Variants in ADGRL2 observed in about 807,000 individuals in gnomAD.
ADGRL2 encodes the protein calcium-independent alpha-latrotoxin receptor 2.
Under a neutral mutation model 157.4 loss-of-function variants are expected in ADGRL2, and 44 were observed. The ratio of observed to expected loss-of-function variants is 0.28; its 90% CI spans 0.22 to 0.36. The LOEUF (loss-of-function observed/expected upper bound fraction) is 0.36, where lower values mean the gene tolerates loss of function less well. Ranked by LOEUF, ADGRL2 falls within the 10% of genes least tolerant of loss-of-function variation. The pLI is 1.00. For missense variants in ADGRL2, 1,510 were observed against 1,768.9 expected (o/e 0.85, Z 2.63); for synonymous variants, 585 against 624.7 (o/e 0.94, Z 0.95).
chr1:81,607,850 G>A (rs371096932), intron 3 of ADGRL2, among the ~76,000 whole-genome samples: 7 of 152,100 alleles, frequency 4.6e-5, no homozygotes, highest in Non-Finnish European at 8.8e-5. Context: ...TACTTCTGAT[G>A]TTTTATTTGC....
intron 1 of ADGRL2, among the ~76,000 whole-genome samples, chr1:81,759,815 G>A (rs909219935): frequency 3.3e-5 from 5 of 151,982 alleles, no homozygotes; most frequent in African/African-American, 9.7e-5. Context: ...TCTCTGACCT[G>A]TATTCAAGAA....
At chr1:81,886,619 T>C (rs1312702187) in intron 2 of ADGRL2, among the ~76,000 whole-genome samples, 1 of 152,204 alleles carries the variant, frequency 6.6e-6, no homozygotes, top group Non-Finnish European at 1.5e-5. Flanking sequence ...CAAGTATTCC[T>C]GAAATGCTTT....
intron 3 of ADGRL2, among the ~76,000 whole-genome samples, chr1:81,680,068 T>C (rs1226982032): frequency 6.6e-6 from 1 of 152,170 alleles, no homozygotes; most frequent in Non-Finnish European, 1.5e-5. Flanking sequence ...GGGAAAATAG[T>C]GTAAAGTTAC....
chr1:81,581,849 A>C (rs959949512), intron 3 of ADGRL2, among the ~76,000 whole-genome samples: 1 of 142,864 alleles, frequency 7.0e-6, no homozygotes, highest in African/African-American at 2.6e-5. Flanking sequence ...ACGGTATTTA[A>C]CCTCCCACCA....
At chr1:81,832,656 G>T (rs780226146) in intron 1 of ADGRL2, among the ~76,000 whole-genome samples, 1 of 152,210 alleles carries the variant, frequency 6.6e-6, no homozygotes, top group Non-Finnish European at 1.5e-5. Context: ...GAAAGAAAAT[G>T]AAGAAAGAGG....
In ADGRL2 at chr1:81,757,934, A is replaced by G. The variant is rs1423631665; in HGVS notation, c.-142-3877A>G. On this transcript the variant is annotated intron_variant, in intron 1 of 20. Transcript: ENST00000359929. ...GATTCAGGAGTGGAGTCACACAAGG[A>G]AACTTCAAAACCAAACTAAGTAAAA... Among the ~76,000 whole-genome samples, 5 of 152,166 alleles carry G rather than the reference A, an allele frequency of 3.3e-5. No individual in the cohort carries two copies. The East Asian group carries it at 9.6e-4, about 29-fold the overall frequency.
chr1:81,349,637 CA>C (rs1557617476), intron 1 of ADGRL2, among the ~76,000 whole-genome samples: 1 of 28,950 alleles, frequency 3.5e-5, no homozygotes, highest in East Asian at 4.9e-4. Context: ...GAGCTACACA[CA>C]CACACACACA....
chr1:81,464,933 G>GA (rs199573052), intron 2 of ADGRL2, among the ~76,000 whole-genome samples: 20,686 of 138,678 alleles, frequency 0.15, 2,617 homozygotes, highest in East Asian at 0.58. Flanking sequence ...CCACCAGGGA[G>GA]AAAAAAAAAA....
intron 2 of ADGRL2, among the ~76,000 whole-genome samples, chr1:81,472,636 AAAAGG>A (rs149949335): frequency 0.076 from 11,490 of 152,100 alleles, 603 homozygotes; most frequent in South Asian, 0.25. Flanking sequence ...ACTCTGAAAA[AAAAGG>A]AAAGGAAAGG....
intron 1 of ADGRL2, among the ~76,000 whole-genome samples, chr1:81,403,799 A>ATTTT (rs200477492): frequency 0.15 from 21,026 of 138,982 alleles, 1,773 homozygotes; most frequent in African/African-American, 0.19. Flanking sequence ...AATGTCTTTG[A>ATTTT]TTTTTTTTTT....
chr1:81,550,219 G>T (rs1224110671), intron 2 of ADGRL2, among the ~76,000 whole-genome samples: 4 of 152,146 alleles, frequency 2.6e-5, no homozygotes, highest in African/African-American at 7.2e-5. Flanking sequence ...GATTCAAAAT[G>T]ATGCCCAGAA....
At chr1:81,358,773 G>A (rs1278037445) in intron 1 of ADGRL2, among the ~76,000 whole-genome samples, 1 of 152,104 alleles carries the variant, frequency 6.6e-6, no homozygotes, top group African/African-American at 2.4e-5. Flanking sequence ...AAGTGAAACA[G>A]ATGAGTTATA....
At chr1:81,764,902 T>G (rs1263180694) in intron 2 of ADGRL2, among the ~76,000 whole-genome samples, 1 of 152,116 alleles carries the variant, frequency 6.6e-6, no homozygotes, top group African/African-American at 2.4e-5. Flanking sequence ...TGAAAAAGAC[T>G]GTAATGATTA....
chr1:81,758,710 A>G (rs1464099786), intron 1 of ADGRL2, among the ~76,000 whole-genome samples: 1 of 152,224 alleles, frequency 6.6e-6, no homozygotes, highest in African/African-American at 2.4e-5. Flanking sequence ...ATATGCTAAC[A>G]TTTCATGGAA....
At chr1:81,392,419 T>A (rs1476961059) in intron 1 of ADGRL2, among the ~76,000 whole-genome samples, 2 of 152,090 alleles carry the variant, frequency 1.3e-5, no homozygotes, top group African/African-American at 4.8e-5. Flanking sequence ...TCATCTATTT[T>A]TACCAATTTC....
intron 3 of ADGRL2, among the ~76,000 whole-genome samples, chr1:81,624,138 G>A (rs571643473): frequency 6.4e-4 from 97 of 152,244 alleles, no homozygotes; most frequent in Non-Finnish European, 1.1e-3. Flanking sequence ...AAGGGACACC[G>A]ATACCTGGAT....
intron 3 of ADGRL2, among the ~76,000 whole-genome samples, chr1:81,674,445 A>G (rs2082942402): frequency 1.3e-5 from 2 of 152,192 alleles, no homozygotes; most frequent in South Asian, 2.1e-4. Flanking sequence ...TGACAGCCCA[A>G]ACTTGCAGTC....
chr1:81,859,737 TAATA>T (rs2093330617), intron 2 of ADGRL2, among the ~76,000 whole-genome samples: 1 of 152,156 alleles, frequency 6.6e-6, no homozygotes, highest in African/African-American at 2.4e-5. Context: ...GTTATTTAAT[TAATA>T]ATCATTTCAT....
At chr1:81,567,285 G>A (rs2080583934) in intron 2 of ADGRL2, among the ~76,000 whole-genome samples, 1 of 152,028 alleles carries the variant, frequency 6.6e-6, no homozygotes, top group Admixed American at 6.6e-5. Flanking sequence ...CAATACTTCA[G>A]TCACACTAGC....
Sources: allele counts gnomAD v4.1 joint callset (sites outside exome capture counted in the v4.1 genomes callset), GRCh38; gene constraint gnomAD v4.1.1; transcripts MANE v1.5; gene names NCBI Gene and HGNC (gene_info 2026-07-23, HGNC 2026-07-21).